Variants in DPY19L4 observed in about 807,000 individuals in gnomAD.
The protein encoded by DPY19L4 is dpy-19 like 4, also known as probable C-mannosyltransferase DPY19L4.
In DPY19L4, 97 loss-of-function variants were observed where a neutral mutation model predicts 102.8. That is an observed-to-expected ratio of 0.94 (90% CI 0.80 to 1.12). The LOEUF is 1.12. Ranked by LOEUF, DPY19L4 falls within the 50% of genes most tolerant of loss-of-function variation. DPY19L4 has a pLI of 0.00. For missense variants in DPY19L4, 815 were observed against 850.4 expected (o/e 0.96, Z 0.52); for synonymous variants, 252 against 283.1 (o/e 0.89, Z 1.10).
At position 94,738,471 on chromosome 8, in the gene DPY19L4, A is replaced by G; in HGVS notation, c.343+12A>G. On this transcript the variant is annotated intron_variant, in intron 4 of 18. Coordinates refer to ENST00000414645, the MANE Select transcript of DPY19L4 (RefSeq NM_181787.3). The stretch of plus-strand genomic sequence containing the variant: ...TTCATTTGAAAGAGGTATGATAATC[A>G]CAGTTATATTTTTAATAACAGTATT... The G allele has an allele frequency of 7.0e-7, 1 of 1,434,882 alleles. No homozygotes were observed. The highest frequency in any genetic ancestry group is 1.4e-5 in the South Asian group (1 of 72,264). 88.9% of individuals were successfully genotyped at this position (1,434,882 alleles called of 1,614,324 possible).
chr8:94,722,386 GAC>G (rs893663235), intron 1 of DPY19L4, among the ~76,000 whole-genome samples: 19 of 152,268 alleles, frequency 1.2e-4, no homozygotes, highest in Middle Eastern at 3.4e-3. Flanking sequence ...CAGCCTGGGT[GAC>G]AGAGTGAGAC....
chr8:94,722,715 CT>C (rs890280586), intron 1 of DPY19L4, among the ~76,000 whole-genome samples: 9 of 152,066 alleles, frequency 5.9e-5, no homozygotes, highest in Admixed American at 2.0e-4. Flanking sequence ...TCACTCTATA[CT>C]TTTTTTCCCC....
intron 16 of DPY19L4, 74 bp from the exon 17 acceptor site, chr8:94,783,596 A>C (rs909881904): frequency 1.0e-5 from 15 of 1,506,018 alleles, no homozygotes; most frequent in Non-Finnish European, 9.8e-6. Context: ...CTGGTATTTC[A>C]GAGTTGATAT....
intron 17 of DPY19L4, among the ~76,000 whole-genome samples, chr8:94,786,017 T>G (rs1015147764): frequency 1.3e-5 from 2 of 152,246 alleles, no homozygotes; most frequent in East Asian, 3.8e-4. Context: ...TTTTGAAACC[T>G]TTGTCTTTCT....
At chr8:94,729,164 A>C (rs1810821891) in intron 2 of DPY19L4, among the ~76,000 whole-genome samples, 1 of 151,990 alleles carries the variant, frequency 6.6e-6, no homozygotes, top group African/African-American at 2.4e-5. Context: ...AGGTCAGGAG[A>C]TCGAGACCAT....
At chr8:94,753,601 G>A (rs867496958) in intron 6 of DPY19L4, among the ~76,000 whole-genome samples, 2 of 152,108 alleles carry the variant, frequency 1.3e-5, no homozygotes, top group South Asian at 2.1e-4. Context: ...AAGAAAGTGC[G>A]GTGGCTCAAG....
Position 94,761,783 on chromosome 8 carries a change from A to G in DPY19L4, c.819A>G (p.Gln273=), listed in dbSNP as rs778166062. The change falls in exon 8 of 19, where the codon CAA becomes CAG. Residue 273 remains glutamine, a synonymous_variant. Coordinates refer to ENST00000414645, the MANE Select transcript of DPY19L4 (RefSeq NM_181787.3). ...WEYSHYLLFL[Q]AISLFLLDTF... ...ATAGCCACTATCTCCTGTTTCTTCA[A>G]GCAATATCTCTATTCCTGCTAGATA... is the stretch of plus-strand genomic sequence containing the variant. 9 of 1,612,656 alleles carry G rather than the reference A, an allele frequency of 5.6e-6. No homozygotes were observed. The East Asian group carries it at 1.8e-4, about 32-fold the overall frequency.
At chr8:94,737,086 G>T (rs1297760389) in intron 3 of DPY19L4, among the ~76,000 whole-genome samples, 4 of 152,108 alleles carry the variant, frequency 2.6e-5, no homozygotes, top group Admixed American at 1.3e-4. Context: ...AGTAATTAAA[G>T]AAAATTCAAA....
chr8:94,722,860 A>G (rs923678312), intron 1 of DPY19L4, among the ~76,000 whole-genome samples: 1 of 152,196 alleles, frequency 6.6e-6, no homozygotes, highest in Non-Finnish European at 1.5e-5. Context: ...TTCATTGTCC[A>G]AGTAAATACT....
At chr8:94,774,455 G>T (rs1187695222) in intron 13 of DPY19L4, among the ~76,000 whole-genome samples, 2 of 152,150 alleles carry the variant, frequency 1.3e-5, no homozygotes, top group African/African-American at 4.8e-5. Flanking sequence ...TTCACACATT[G>T]TTGTACAACA....
intron 6 of DPY19L4, among the ~76,000 whole-genome samples, chr8:94,750,291 A>G (rs748909200): frequency 1.1e-4 from 17 of 151,274 alleles, no homozygotes; most frequent in South Asian, 2.1e-4. Flanking sequence ...AAAGTGTATA[A>G]CAATAGGAAA....
At chr8:94,746,566 C>T (rs1207529743) in intron 6 of DPY19L4, among the ~76,000 whole-genome samples, 1 of 152,144 alleles carries the variant, frequency 6.6e-6, no homozygotes, top group African/African-American at 2.4e-5. Flanking sequence ...AGACATATGT[C>T]ATCTAACTCC....
intron 15 of DPY19L4, 84 bp downstream of exon 15, chr8:94,780,499 T>C: frequency 2.3e-6 from 2 of 858,886 alleles, no homozygotes; most frequent in South Asian, 3.2e-5. Flanking sequence ...GTAGGAAACA[T>C]GTTGAGACAC....
At position 94,719,959 on chromosome 8, in the gene DPY19L4, C is replaced by T. The variant is rs1326137826; in HGVS notation, c.-40C>T. On this transcript the variant is annotated 5_prime_UTR_variant, in exon 1 of 19. Coordinates refer to ENST00000414645, the MANE Select transcript of DPY19L4 (RefSeq NM_181787.3). ...ACGCGGAGGGAGGGAGAGTCTGGGC[C>T]GCGCGGGAGCCGCAGGGCGCCCTAG... The T allele has an allele frequency of 3.3e-6, 5 of 1,504,326 alleles. No individual in the cohort carries two copies. In the African/African-American group the frequency reaches 5.8e-5, roughly 17 times the overall value. 93.2% of individuals were successfully genotyped at this position (1,504,326 alleles called of 1,614,324 possible).
chr8:94,743,404 C>T (rs929108677), intron 6 of DPY19L4, among the ~76,000 whole-genome samples: 18 of 151,508 alleles, frequency 1.2e-4, no homozygotes, highest in African/African-American at 4.4e-4. Flanking sequence ...TTGGGAGGCC[C>T]AGGTAGGAGG....
chr8:94,746,604 T>C (rs1331872676), intron 6 of DPY19L4, among the ~76,000 whole-genome samples: 2 of 152,210 alleles, frequency 1.3e-5, no homozygotes, highest in Admixed American at 6.5e-5. Flanking sequence ...GTTATAGATA[T>C]TTAAAACTTA....
chr8:94,783,409 A>G (rs1813517632), intron 16 of DPY19L4, among the ~76,000 whole-genome samples: 2 of 152,140 alleles, frequency 1.3e-5, no homozygotes, highest in Non-Finnish European at 2.9e-5. Flanking sequence ...TTACCACCCA[A>G]TATATGTGTT....
In DPY19L4 at chr8:94,790,253, A is replaced by G. The variant is rs1173818166; in HGVS notation, c.*343A>G. ...TTTGAATATGTGCAAGGTCAGATAC[A>G]TTTCTCAAACATAACATTTAATAAA... On this transcript the variant is annotated 3_prime_UTR_variant, in exon 19 of 19. Transcript: ENST00000414645. 6.2e-6 allele frequency: 1 copy of G among 160,334 alleles called. No homozygotes were observed. The highest frequency in any genetic ancestry group is 2.4e-5 in the African/African-American group (1 of 41,790). 9.9% of individuals were successfully genotyped at this position (160,334 alleles called of 1,614,324 possible).
rs1303763300 is a variant in DPY19L4 at position 94,770,434 on chromosome 8, TAC to T, written c.1335-16_1335-15del. ...AATACATTTTCAAAGTATTAAAAAA[TAC>T]ATTTTCTTTTTGTAGTGGTAAGTCC... On this transcript the variant is annotated splice_polypyrimidine_tract_variant and intron_variant, in intron 12 of 18. Coordinates refer to ENST00000414645, the MANE Select transcript of DPY19L4 (RefSeq NM_181787.3). 4 of 1,593,828 alleles carry T rather than the reference TAC, an allele frequency of 2.5e-6. No homozygotes were observed. The highest frequency in any genetic ancestry group is 1.7e-6 in the Non-Finnish European group (2 of 1,173,948).
Sources: allele counts gnomAD v4.1 joint callset (sites outside exome capture counted in the v4.1 genomes callset), GRCh38; gene constraint gnomAD v4.1.1; transcripts MANE v1.5; gene names NCBI Gene and HGNC (gene_info 2026-07-23, HGNC 2026-07-21).